The following EGLN2 variants were observed in gnomAD, a reference collection of about 807,000 sequenced individuals.
EGLN2 encodes prolyl hydroxylase EGLN2.
Under a neutral mutation model 38.2 loss-of-function variants are expected in EGLN2, and 15 were observed. The observed-to-expected ratio is 0.39, with a 90% CI of 0.26 to 0.60. The LOEUF (loss-of-function observed/expected upper bound fraction) is 0.60, where lower values mean the gene tolerates loss of function less well. EGLN2 is among the 20% of genes least tolerant of loss of function. EGLN2 has a pLI of 0.50. For missense variants in EGLN2, 492 were observed against 570.4 expected (o/e 0.86, Z 1.40); for synonymous variants, 284 against 237.4 (o/e 1.20, Z -1.81).
chr19:40,802,268 C>G (rs771257905), intron 2 of EGLN2, among the ~76,000 whole-genome samples: 30 of 152,118 alleles, frequency 2.0e-4, no homozygotes, highest in Non-Finnish European at 4.1e-4. Flanking sequence ...GCATTGTGCC[C>G]TGGGTCCCCA....
rs1360682336 is a variant in EGLN2, at chr19:40,800,531, G to A, written c.-42G>A. On this transcript the variant is annotated 5_prime_UTR_variant, in exon 2 of 6. Coordinates refer to ENST00000303961, the MANE Select transcript of EGLN2 (RefSeq NM_080732.4). ...CGGAGGAGGGTGGCACCATGGGCCCGGGCGGTGCCCTCCATGCCCGGGGGA... is the reference window on the plus strand; with the variant it reads ...CGGAGGAGGGTGGCACCATGGGCCCAGGCGGTGCCCTCCATGCCCGGGGGA... 14 of 1,528,224 alleles carry A rather than the reference G, an allele frequency of 9.2e-6. No individual in the cohort carries two copies. Among genetic ancestry groups the A allele is most frequent in the East Asian group, 4.7e-5 (2 of 42,978 alleles). The allele number at this position is 1,528,224 out of a possible 1,614,324, so 94.7% of individuals were successfully genotyped here. A position where few individuals can be genotyped will look rare whatever the true frequency, so the allele number is the denominator to read the frequency against.
intron 3 of EGLN2, 151 bp from the exon 4 acceptor site, chr19:40,806,987 A>C (rs1027301211): frequency 1.7e-6 from 2 of 1,209,202 alleles, no homozygotes; most frequent in East Asian, 2.5e-5. Flanking sequence ...ATGGTGATGC[A>C]GTCTCTGGGT....
rs201571275 is a variant in EGLN2 at position 40,801,207 on chromosome 19, C to T, written c.635C>T (p.Ala212Val). Reference sequence around the variant, plus strand: ...GGTCGCGTGCTGGCCGAGGTGGAGGCCCTCAAACGGGGTGGGCGCCTGCGA... The same window carrying T: ...GGTCGCGTGCTGGCCGAGGTGGAGGTCCTCAAACGGGGTGGGCGCCTGCGA... ...LGGRVLAEVE[A>V]LKRGGRLRDG... is the part of the protein sequence containing the mutation. The change falls in exon 2 of 6, where the codon GCC becomes GTC. Residue 212 changes from alanine to valine, a missense_variant. Physicochemically the swap from Ala to Val is moderately conservative, Grantham distance 64. This residue lies in a region of EGLN2 where 378 missense variants were observed against 386.2 expected (regional missense o/e 0.98). Transcript: ENST00000303961. The T allele has an allele frequency of 1.9e-6, 3 of 1,612,594 alleles. No individual in the cohort carries two copies. The highest frequency in any genetic ancestry group is 2.2e-5 in the East Asian group (1 of 44,880).
chr19:40,807,496 T>C lies in EGLN2; in HGVS notation c.1113T>C (p.Thr371=). The change falls in exon 5 of 6, where the codon ACT becomes ACC. Residue 371 remains threonine (T), a synonymous_variant. Coordinates refer to ENST00000303961, the MANE Select transcript of EGLN2 (RefSeq NM_080732.4). ...CCCTGGTCTCCAGGTACGCCATCACTGTCTGGTATTTTGATGCCAAGGAGC... is the reference window on the plus strand; with the variant it reads ...CCCTGGTCTCCAGGTACGCCATCACCGTCTGGTATTTTGATGCCAAGGAGC... The part of the protein sequence containing the change: ...KPAYATRYAI[T]VWYFDAKERA... The C allele has an allele frequency of 1.9e-6, 3 of 1,614,176 alleles. No individual in the cohort carries two copies. The highest frequency in any genetic ancestry group is 2.5e-6 in the Non-Finnish European group (3 of 1,180,010).
intron 2 of EGLN2, among the ~76,000 whole-genome samples, chr19:40,802,692 G>C (rs1053916167): frequency 1.3e-5 from 2 of 152,270 alleles, no homozygotes; most frequent in African/African-American, 2.4e-5. Flanking sequence ...GCCTTTCCGG[G>C]CTGCTGACAG....
chr19:40,801,087 C>T lies in EGLN2; in HGVS notation c.515C>T (p.Ser172Phe). Residue 172 changes from serine (S) to phenylalanine (F), a missense_variant, in exon 2 of 6, where the codon TCT (serine) becomes TTT (phenylalanine). Ser to Phe is a radical substitution (Grantham distance 155). Coordinates refer to ENST00000303961, the MANE Select transcript of EGLN2 (RefSeq NM_080732.4). ...GGGCTGATGGAGGAGGCGCTGCCCT[C>T]TGCGCCCGAGCGCCTGGCCCTGGAC... is the stretch of plus-strand genomic sequence containing the variant. ...SAGLMEEALP[S>F]APERLALDYI... 1 of 1,612,760 alleles carries T rather than the reference C, an allele frequency of 6.2e-7. No individual in the cohort carries two copies. The highest frequency in any genetic ancestry group is 8.5e-7 in the Non-Finnish European group (1 of 1,179,930).
chr19:40,802,169 G>C (rs2083266270), intron 2 of EGLN2, among the ~76,000 whole-genome samples: 1 of 152,208 alleles, frequency 6.6e-6, no homozygotes. Context: ...AGGAGAAGCA[G>C]AAGGGGGAGG....
chr19:40,807,003 T>G, intron 3 of EGLN2, 135 bp from the exon 4 acceptor site: 1 of 1,371,914 alleles, frequency 7.3e-7, no homozygotes, highest in Non-Finnish European at 9.9e-7. Flanking sequence ...TGGGTTGTCA[T>G]TCACTTTGAG....
chr19:40,801,119 G>A lies in EGLN2; in HGVS notation c.547G>A (p.Val183Met), dbSNP rs117916638. The change falls in exon 2 of 6, where the codon GTG becomes ATG. Residue 183 changes from valine to methionine, a missense_variant. Physicochemically the swap from Val to Met is conservative, Grantham distance 21. This residue lies in a region of EGLN2 where 378 missense variants were observed against 386.2 expected (regional missense o/e 0.98). Coordinates refer to ENST00000303961, the MANE Select transcript of EGLN2 (RefSeq NM_080732.4). ...APERLALDYI[V>M]PCMRYYGICV... ...CGAGCGCCTGGCCCTGGACTATATC[G>A]TGCCCTGCATGCGGTACTACGGCAT... is the stretch of plus-strand genomic sequence containing the variant. 6.5e-4 allele frequency: 1,051 copies of A among 1,612,784 alleles called. 1 individual carries two copies. The highest frequency in any genetic ancestry group is 8.4e-4 in the Non-Finnish European group (987 of 1,179,928).
rs2083254147 is a variant in EGLN2 at position 40,801,133 on chromosome 19, G to A, written c.561G>A (p.Arg187=). ...TGGACTATATCGTGCCCTGCATGCG[G>A]TACTACGGCATCTGCGTCAAGGACA... The part of the protein sequence containing the change: ...LALDYIVPCM[R]YYGICVKDSF... Residue 187 remains arginine (R), a synonymous_variant, in exon 2 of 6, where the codon CGG becomes CGA. Coordinates refer to ENST00000303961, the MANE Select transcript of EGLN2 (RefSeq NM_080732.4). 1.2e-6 allele frequency: 2 copies of A among 1,612,886 alleles called. No individual in the cohort carries two copies. The highest frequency in any genetic ancestry group is 1.1e-5 in the South Asian group (1 of 91,090).
At chr19:40,804,959 G>A (rs2083290281) in intron 2 of EGLN2, 5 of 152,262 alleles carry the variant, frequency 3.3e-5, no homozygotes, top group Admixed American at 3.3e-4. Flanking sequence ...GGTGCACATG[G>A]TTAATGCAGA....
Position 40,800,867 on chromosome 19 carries a change from C to T in EGLN2, c.295C>T (p.Leu99=), listed in dbSNP as rs1245002043. ...RPLQSEGAAA[L]VTKGCQRLAA... ...GCTGCAGAGTGAAGGCGCTGCAGCG[C>T]TGGTCACCAAGGGGTGCCAGCGATT... is the stretch of plus-strand genomic sequence containing the variant. The change falls in exon 2 of 6, where the codon CTG becomes TTG. Residue 99 remains leucine, a synonymous_variant. Transcript: ENST00000303961. The T allele has an allele frequency of 1.9e-6, 3 of 1,612,190 alleles. No individual in the cohort carries two copies. Among genetic ancestry groups the T allele is most frequent in the Non-Finnish European group, 1.7e-6 (2 of 1,179,560 alleles).
In EGLN2 at chr19:40,800,215, G is replaced by A. The variant is rs954555583; in HGVS notation, c.-234-124G>A. The A allele has an allele frequency of 2.2e-5, 5 of 227,168 alleles. No individual in the cohort carries two copies. The South Asian group carries it at 2.4e-4, about 11-fold the overall frequency. 14.1% of individuals were successfully genotyped at this position (227,168 alleles called of 1,614,324 possible). On this transcript the variant is annotated intron_variant, in intron 1 of 5. Transcript: ENST00000303961. ...CTCCCCGACTTGGCCTCAGGTTTTGGGGGGCCTCTATAGTCAAGTCTGTCC... is the reference window on the plus strand; with the variant it reads ...CTCCCCGACTTGGCCTCAGGTTTTGAGGGGCCTCTATAGTCAAGTCTGTCC...
At chr19:40,803,334 G>A (rs1389445959) in intron 2 of EGLN2, 1 of 152,350 alleles carries the variant, frequency 6.6e-6, no homozygotes, top group Non-Finnish European at 1.5e-5. Flanking sequence ...CAGGGCCCCA[G>A]CGAGGATTGG....
intron 2 of EGLN2, among the ~76,000 whole-genome samples, chr19:40,803,822 G>C (rs1029855915): frequency 1.3e-5 from 2 of 152,072 alleles, no homozygotes; most frequent in Non-Finnish European, 2.9e-5. Flanking sequence ...CTTCTGACTG[G>C]GGTGTGTGTG....
chr19:40,801,586 C>T (rs1044263201), intron 2 of EGLN2, among the ~76,000 whole-genome samples, 171 bp downstream of exon 2: 6 of 150,374 alleles, frequency 4.0e-5, no homozygotes, highest in Admixed American at 4.0e-4. Flanking sequence ...GGGTCTTTAT[C>T]CTCCCTACGG....
chr19:40,803,687 T>A (rs1044338932), intron 2 of EGLN2, among the ~76,000 whole-genome samples: 1 of 152,126 alleles, frequency 6.6e-6, no homozygotes, highest in Non-Finnish European at 1.5e-5. Flanking sequence ...GGTGCTCCGT[T>A]GACCTGTAGG....
chr19:40,806,914 A>G, intron 3 of EGLN2: 4 of 924,856 alleles, frequency 4.3e-6, no homozygotes, highest in Middle Eastern at 2.2e-4. Context: ...GCCCAGCCCC[A>G]CCCGGCCTTG....
chr19:40,800,662 C>A lies in EGLN2; in HGVS notation c.90C>A (p.Gly30=). 1.2e-6 allele frequency: 2 copies of A among 1,614,028 alleles called. No homozygotes were observed. The highest frequency in any genetic ancestry group is 1.7e-6 in the Non-Finnish European group (2 of 1,180,028). Residue 30 remains glycine, a synonymous_variant, in exon 2 of 6, where the codon GGC becomes GGA. Transcript: ENST00000303961. The part of the protein sequence containing the change: ...SSSEPLEPEP[G]RARMGVESYL... ...CAGAGCCCTTGGAGCCTGAGCCTGG[C>A]CGGGCCAGGATGGGAGTGGAGAGTT... is the stretch of plus-strand genomic sequence containing the variant.
Sources: gnomAD v4.1 joint callset for allele counts (sites outside exome capture counted in the v4.1 genomes callset) on GRCh38, gnomAD v4.1.1 for gene constraint, gnomAD v4.1.1 regional missense constraint, MANE v1.5 for transcripts, NCBI Gene and HGNC (gene_info 2026-07-23, HGNC 2026-07-21) for gene names.